The following RAB7A variants were observed in gnomAD, a reference collection of about 807,000 sequenced individuals.
RAB7A encodes RAB7A, member RAS oncogene family.
A neutral mutation model predicts 24.5 loss-of-function variants in RAB7A; 2 were observed. The observed-to-expected ratio is 0.08, with a 90% CI of 0.03 to 0.26. The LOEUF is 0.26. Ranked by LOEUF, RAB7A falls within the 10% of genes least tolerant of loss-of-function variation. The probability of loss-of-function intolerance (pLI) is 1.00; values close to 1 mark genes in which losing one functional copy is unlikely to be tolerated. For missense variants in RAB7A, 118 were observed against 255.7 expected, an observed-to-expected ratio of 0.46 and a Z score of 3.67; for synonymous variants, 100 against 95.9, an observed-to-expected ratio of 1.04 and a Z score of -0.25.
rs375012086 is a variant in RAB7A at position 128,811,242 on chromosome 3, A to G, written c.529-2085A>G. On this transcript the variant is annotated intron_variant, in intron 5 of 5. Coordinates refer to ENST00000265062, the MANE Select transcript of RAB7A (RefSeq NM_004637.6). ...TCTGGGCTCCAGCAGTCTTCCCACC[A>G]TAGCCTCCTAAGTAGGTAGGACTAC... Among the ~76,000 whole-genome samples the G allele has an allele frequency of 4.6e-5, 7 of 152,082 alleles. No individual in the cohort carries two copies. The East Asian group carries it at 1.2e-3, about 25-fold the overall frequency.
rs149384341 is a variant in RAB7A at position 128,812,890 on chromosome 3, C to T, written c.529-437C>T. On this transcript the variant is annotated intron_variant, in intron 5 of 5. Transcript: ENST00000265062. ...TCAGCTCCAGCCACTTCACCTCGTGCACACACTGGCTGAGGGTTGCCAGAT... is the reference window on the plus strand; with the variant it reads ...TCAGCTCCAGCCACTTCACCTCGTGTACACACTGGCTGAGGGTTGCCAGAT... Among the ~76,000 whole-genome samples the T allele has an allele frequency of 3.7e-4, 57 of 152,322 alleles. No individual in the cohort carries two copies. In the East Asian group the frequency reaches 0.011, roughly 28 times the overall value.
At chr3:128,798,174 A>G in intron 3 of RAB7A, 105 bp downstream of exon 3, 5 of 1,451,738 alleles carry the variant, frequency 3.4e-6, no homozygotes, top group African/African-American at 1.4e-5. Flanking sequence ...AAATCTTATT[A>G]TCTTATTTGT....
chr3:128,736,960 A>C (rs951804614), intron 1 of RAB7A, among the ~76,000 whole-genome samples: 22 of 152,194 alleles, frequency 1.4e-4, no homozygotes, highest in African/African-American at 5.3e-4. Flanking sequence ...TGGTAATTTA[A>C]ATGCTAAAAA....
chr3:128,732,594 T>C (rs955794586), intron 1 of RAB7A, among the ~76,000 whole-genome samples: 1 of 151,916 alleles, frequency 6.6e-6, no homozygotes, highest in Non-Finnish European at 1.5e-5. Context: ...TTTGGGAGGG[T>C]AAGGCAGGAG....
intron 1 of RAB7A, among the ~76,000 whole-genome samples, chr3:128,751,522 A>C (rs1047012498): frequency 6.6e-6 from 1 of 152,152 alleles, no homozygotes; most frequent in African/African-American, 2.4e-5. Context: ...GTTTTGACCA[A>C]TTTCTACCAT....
At chr3:128,784,516 C>T (rs1933295905) in intron 1 of RAB7A, among the ~76,000 whole-genome samples, 1 of 152,196 alleles carries the variant, frequency 6.6e-6, no homozygotes, top group Non-Finnish European at 1.5e-5. Flanking sequence ...GCTGGCTCTG[C>T]AGGATGAACA....
chr3:128,750,160 G>C (rs1264751086), intron 1 of RAB7A, among the ~76,000 whole-genome samples: 1 of 152,236 alleles, frequency 6.6e-6, no homozygotes, highest in Non-Finnish European at 1.5e-5. Flanking sequence ...GGTGGCTCTT[G>C]TTATGTTTTA....
intron 1 of RAB7A, among the ~76,000 whole-genome samples, chr3:128,757,864 G>A (rs1302556704): frequency 6.6e-6 from 1 of 152,146 alleles, no homozygotes; most frequent in Non-Finnish European, 1.5e-5. Context: ...TTGCTGTGTT[G>A]CCCAGGCTGG....
chr3:128,778,213 T>C (rs1249047767), intron 1 of RAB7A, among the ~76,000 whole-genome samples: 3 of 152,236 alleles, frequency 2.0e-5, no homozygotes, highest in Non-Finnish European at 2.9e-5. Context: ...TGAGAGACTG[T>C]ATTTGAGATC....
intron 1 of RAB7A, among the ~76,000 whole-genome samples, chr3:128,769,193 C>T (rs553279189): frequency 1.5e-4 from 23 of 151,846 alleles, no homozygotes; most frequent in Admixed American, 7.9e-4. Context: ...CACACCCGGC[C>T]CAGAACATTT....
chr3:128,793,611 C>T (rs1489598978), intron 1 of RAB7A, among the ~76,000 whole-genome samples: 1 of 152,156 alleles, frequency 6.6e-6, no homozygotes, highest in Non-Finnish European at 1.5e-5. Flanking sequence ...TGATACCAGA[C>T]CTTAGAGTGT....
chr3:128,787,542 G>T (rs79820406), intron 1 of RAB7A, among the ~76,000 whole-genome samples: 1,826 of 152,260 alleles, frequency 0.012, 18 homozygotes, highest in Non-Finnish European at 0.02. Context: ...CTGCCACTTC[G>T]TTGCTGTCTG....
chr3:128,773,812 G>A (rs1001968661), intron 1 of RAB7A, among the ~76,000 whole-genome samples: 5 of 152,142 alleles, frequency 3.3e-5, no homozygotes, highest in Admixed American at 6.5e-5. Flanking sequence ...AACATGTGCT[G>A]TGTCCACTCA....
At chr3:128,754,060 A>G (rs2070709605) in intron 1 of RAB7A, among the ~76,000 whole-genome samples, 1 of 152,166 alleles carries the variant, frequency 6.6e-6, no homozygotes, top group South Asian at 2.1e-4. Context: ...TCATGAAGGA[A>G]GTCATGAAGG....
At chr3:128,795,492 T>A in intron 2 of RAB7A, 72 bp downstream of exon 2, 1 of 1,395,638 alleles carries the variant, frequency 7.2e-7, no homozygotes, top group Non-Finnish European at 1.0e-6. Flanking sequence ...GCCCACACTG[T>A]CCGTGCTGCC....
chr3:128,802,200 C>CA (rs148165278), intron 3 of RAB7A, among the ~76,000 whole-genome samples: 1,969 of 152,254 alleles, frequency 0.013, 47 homozygotes, highest in African/African-American at 0.044. Flanking sequence ...TATGAGGAAA[C>CA]AAAGATCAGA....
intron 1 of RAB7A, among the ~76,000 whole-genome samples, chr3:128,788,428 C>T (rs1933385544): frequency 6.6e-6 from 1 of 151,198 alleles, no homozygotes; most frequent in African/African-American, 2.4e-5. Flanking sequence ...AAGGTAAAAG[C>T]CACAGTATAT....
At chr3:128,740,865 TACTC>T (rs2070545351) in intron 1 of RAB7A, among the ~76,000 whole-genome samples, 1 of 135,624 alleles carries the variant, frequency 7.4e-6, no homozygotes, top group Admixed American at 8.3e-5. Flanking sequence ...AATTCCACTG[TACTC>T]CAGCCTAGGT....
intron 1 of RAB7A, among the ~76,000 whole-genome samples, chr3:128,765,886 C>CA (rs1258418084): frequency 2.6e-5 from 4 of 152,020 alleles, no homozygotes; most frequent in Non-Finnish European, 5.9e-5. Context: ...CTCAGCCTCC[C>CA]AAGTAGCTGG....
Sources: allele counts gnomAD v4.1 joint callset (sites outside exome capture counted in the v4.1 genomes callset), GRCh38; gene constraint gnomAD v4.1.1; transcripts MANE v1.5; gene names NCBI Gene and HGNC (gene_info 2026-07-23, HGNC 2026-07-21).